Variants in P3H2 observed in about 807,000 individuals in gnomAD.
P3H2 encodes the protein leprecan-like 1.
A neutral mutation model predicts 87.0 loss-of-function variants in P3H2; 80 were observed. The observed-to-expected ratio is 0.92, with a 90% CI of 0.77 to 1.11. The LOEUF is 1.11. P3H2 is among the 50% of genes least tolerant of loss of function. The probability of loss-of-function intolerance (pLI) is 0.00; values close to 1 mark genes in which losing one functional copy is unlikely to be tolerated. For synonymous variants in P3H2, 367 were observed against 359.3 expected, an observed-to-expected ratio of 1.02 and a Z score of -0.24; for missense variants, 1,001 against 923.9, an observed-to-expected ratio of 1.08 and a Z score of -1.08.
intron 1 of P3H2, among the ~76,000 whole-genome samples, chr3:189,996,973 A>G (rs1443806742): frequency 6.6e-6 from 1 of 152,242 alleles, no homozygotes; most frequent in Non-Finnish European, 1.5e-5. Flanking sequence ...TCCATGTAAC[A>G]AGCAATGATA....
At chr3:190,038,174 T>C (rs1179434904) in intron 1 of P3H2, among the ~76,000 whole-genome samples, 2 of 149,844 alleles carry the variant, frequency 1.3e-5, no homozygotes, top group African/African-American at 2.5e-5. Context: ...AGTCAAGACC[T>C]GTCGCGAGCC....
At chr3:190,067,175 T>C (rs1201089631) in intron 1 of P3H2, among the ~76,000 whole-genome samples, 2 of 152,042 alleles carry the variant, frequency 1.3e-5, no homozygotes, top group African/African-American at 4.8e-5. Context: ...TATTTGTGTA[T>C]TTTTGTAGAT....
intron 1 of P3H2, among the ~76,000 whole-genome samples, chr3:190,035,004 A>G (rs554430848): frequency 6.6e-6 from 1 of 151,678 alleles, no homozygotes; most frequent in South Asian, 2.1e-4. Context: ...ATGTACCACC[A>G]CACCCGACTA....
Position 190,021,439 on chromosome 3 carries a change from A to C in P3H2, c.481-25997T>G, listed in dbSNP as rs960277272. On this transcript the variant is annotated intron_variant, in intron 1 of 14. Coordinates refer to ENST00000319332, the MANE Select transcript of P3H2 (RefSeq NM_018192.4). ...CCTTTTTTCAATTTTTTGTTCTGTA[A>C]CAAATAGATTTTCAACAATGTTATA... Among the ~76,000 whole-genome samples, 11 of 135,124 alleles carry C rather than the reference A, an allele frequency of 8.1e-5. 1 individual carries two copies. The allele number at this position is 135,124 out of a possible 152,430, so 88.6% of individuals were successfully genotyped here.
intron 1 of P3H2, among the ~76,000 whole-genome samples, chr3:190,100,261 CA>C (rs1283469136): frequency 2.7e-4 from 36 of 130,990 alleles, no homozygotes; most frequent in African/African-American, 4.4e-4. Flanking sequence ...CCCCCCCCCC[CA>C]AAAAAAACAC....
Position 190,051,793 on chromosome 3 carries a change from G to A in P3H2, c.481-56351C>T, listed in dbSNP as rs139459665. ...GGGTTAGGATCCCCCAAGAAAGGGC[G>A]TTCAAAACAAAAATGCTGAGGGAGG... is the stretch of plus-strand genomic sequence containing the variant. On this transcript the variant is annotated intron_variant, in intron 1 of 14. Transcript: ENST00000319332. Among the ~76,000 whole-genome samples the A allele has an allele frequency of 2.4e-3, 358 of 152,290 alleles. 1 individual carries two copies. The highest frequency in any genetic ancestry group is 8.2e-3 in the African/African-American group (340 of 41,566).
Position 189,986,876 on chromosome 3 carries a change from T to C in P3H2, c.1100A>G (p.Asp367Gly). ...IDPASIEARE[D>G]LTMFVKRHKL... is the part of the protein sequence containing the mutation. ...ATGACGTTTCACAAACATTGTTAAATCCTAGAGAAAAAGAAGTAAAGAAAG... is the reference window on the plus strand; with the variant it reads ...ATGACGTTTCACAAACATTGTTAAACCCTAGAGAAAAAGAAGTAAAGAAAG... Residue 367 changes from aspartate (D) to glycine (G), a missense_variant and splice_region_variant, in exon 6 of 15, where the codon GAT becomes GGT. Physicochemically the swap from Asp to Gly is moderately conservative, Grantham distance 94. Transcript: ENST00000319332. 4.4e-6 allele frequency: 7 copies of C among 1,603,382 alleles called. No homozygotes were observed. The highest frequency in any genetic ancestry group is 6.0e-6 in the Non-Finnish European group (7 of 1,170,440).
Position 189,973,026 on chromosome 3 carries a change from T to G in P3H2, c.1549-2A>C, listed in dbSNP as rs1410000733. On this transcript the variant is annotated splice_acceptor_variant, in intron 10 of 14. Coordinates refer to ENST00000319332, the MANE Select transcript of P3H2 (RefSeq NM_018192.4). LOFTEE classifies it high-confidence loss of function. ...TGGGACTCGACCTTCATAACCAGAC[T>G]GAAAAAAAAAAACAAAACATGAGAA... 2.6e-6 allele frequency: 4 copies of G among 1,525,630 alleles called. No individual in the cohort carries two copies. Among genetic ancestry groups the G allele is most frequent in the African/African-American group, 3.2e-5 (2 of 62,254 alleles). 94.5% of individuals were successfully genotyped at this position (1,525,630 alleles called of 1,614,324 possible).
chr3:190,042,769 G>T (rs951571898), intron 1 of P3H2, among the ~76,000 whole-genome samples: 2 of 152,246 alleles, frequency 1.3e-5, no homozygotes, highest in East Asian at 3.9e-4. Flanking sequence ...CATACTGACT[G>T]TTCTTAGAAA....
chr3:190,109,079 T>G (rs1187040540), intron 1 of P3H2, among the ~76,000 whole-genome samples: 2 of 152,210 alleles, frequency 1.3e-5, no homozygotes, highest in Non-Finnish European at 2.9e-5. Flanking sequence ...AACATAGATA[T>G]CAGAGTGGGA....
intron 1 of P3H2, among the ~76,000 whole-genome samples, chr3:190,075,540 A>G (rs747379282): frequency 1.1e-4 from 17 of 152,190 alleles, no homozygotes; most frequent in Non-Finnish European, 2.1e-4. Flanking sequence ...AAAGTGCACC[A>G]AGACAGATAC....
intron 1 of P3H2, among the ~76,000 whole-genome samples, chr3:190,008,860 G>T (rs978353254): frequency 6.6e-6 from 1 of 152,090 alleles, no homozygotes; most frequent in Non-Finnish European, 1.5e-5. Flanking sequence ...TTTTAGTAGT[G>T]AATCTGGGGG....
intron 1 of P3H2, among the ~76,000 whole-genome samples, chr3:190,119,307 C>T (rs183544409): frequency 1.5e-4 from 23 of 151,932 alleles, no homozygotes; most frequent in East Asian, 1.4e-3. Flanking sequence ...TCCACTTTTC[C>T]GGTAGCTGTA....
At chr3:190,011,288 AT>A (rs199804005) in intron 1 of P3H2, among the ~76,000 whole-genome samples, 6 of 151,666 alleles carry the variant, frequency 4.0e-5, no homozygotes, top group African/African-American at 9.7e-5. Context: ...AAAAAAAAAA[AT>A]AGAGTTTCAT....
chr3:190,056,452 G>A (rs1726158197), intron 1 of P3H2, among the ~76,000 whole-genome samples: 3 of 152,076 alleles, frequency 2.0e-5, no homozygotes, highest in African/African-American at 7.2e-5. Context: ...AAACATTCAT[G>A]GAAAAATATG....
At chr3:190,084,913 T>C (rs1290157899) in intron 1 of P3H2, among the ~76,000 whole-genome samples, 1 of 151,684 alleles carries the variant, frequency 6.6e-6, no homozygotes, top group Non-Finnish European at 1.5e-5. Flanking sequence ...GGGTAATTCC[T>C]TTTACCCAGT....
At chr3:190,069,453 A>C (rs1726624234) in intron 1 of P3H2, among the ~76,000 whole-genome samples, 1 of 152,168 alleles carries the variant, frequency 6.6e-6, no homozygotes, top group African/African-American at 2.4e-5. Flanking sequence ...GGATGTTTCA[A>C]ACTTCTCCCA....
intron 1 of P3H2, among the ~76,000 whole-genome samples, chr3:190,006,475 T>C (rs1724391754): frequency 6.6e-6 from 1 of 152,208 alleles, no homozygotes; most frequent in South Asian, 2.1e-4. Flanking sequence ...ACTTCAGTCA[T>C]AGAACTGTGA....
At chr3:190,077,101 T>A (rs1726897922) in intron 1 of P3H2, among the ~76,000 whole-genome samples, 1 of 152,202 alleles carries the variant, frequency 6.6e-6, no homozygotes, top group Admixed American at 6.5e-5. Context: ...CCTGACTGTT[T>A]TTAGCTTCAG....
Sources: gnomAD v4.1 joint callset for allele counts (sites outside exome capture counted in the v4.1 genomes callset) on GRCh38, gnomAD v4.1.1 for gene constraint, MANE v1.5 for transcripts, NCBI Gene and HGNC (gene_info 2026-07-23, HGNC 2026-07-21) for gene names.